The following TMEM161B variants were observed in gnomAD, a reference collection of about 807,000 sequenced individuals.
TMEM161B encodes transmembrane protein 161B.
A neutral mutation model predicts 61.8 loss-of-function variants in TMEM161B; 34 were observed. The observed-to-expected ratio is 0.55, with a 90% confidence interval of 0.42 to 0.73. The LOEUF is 0.73. Among genes scored for constraint, TMEM161B ranks in the 30% least tolerant of loss-of-function variants. The pLI is 0.00. For synonymous variants in TMEM161B, 167 were observed against 192.8 expected, an observed-to-expected ratio of 0.87 and a Z score of 1.11; for missense variants, 456 against 558.5, an observed-to-expected ratio of 0.82 and a Z score of 1.85.
chr5:88,187,313 C>A (rs1396673716), downstream of TMEM161B, among the ~76,000 whole-genome samples: 3 of 152,066 alleles, frequency 2.0e-5, no homozygotes, highest in Admixed American at 2.0e-4. Flanking sequence ...AATCTAAGTA[C>A]TTTACATTTC....
intron 3 of TMEM161B, among the ~76,000 whole-genome samples, chr5:88,227,035 G>A (rs1750169643): frequency 1.3e-5 from 2 of 151,960 alleles, no homozygotes; most frequent in Non-Finnish European, 1.5e-5. Flanking sequence ...GCTGAGGTGG[G>A]AAGATCATCT....
chr5:88,261,730 C>CAAAAAAA (rs70996464), intron 1 of TMEM161B, among the ~76,000 whole-genome samples: 12 of 49,294 alleles, frequency 2.4e-4, no homozygotes, highest in Non-Finnish European at 2.8e-4. Flanking sequence ...CATTCATGTG[C>CAAAAAAA]AAAAAAAAAA....
chr5:88,243,904 T>C (rs968871008), intron 1 of TMEM161B, among the ~76,000 whole-genome samples: 6 of 151,828 alleles, frequency 4.0e-5, no homozygotes, highest in African/African-American at 1.4e-4. Context: ...ATTTGAAAGG[T>C]GTCTGTTTGT....
downstream of TMEM161B, among the ~76,000 whole-genome samples, chr5:88,188,537 GTTAATA>G (rs1308796746): frequency 6.6e-6 from 1 of 152,098 alleles, no homozygotes; most frequent in South Asian, 2.1e-4. Context: ...GGTTGTGATG[GTTAATA>G]TTGAGTGTCA....
chr5:88,200,005 G>C (rs1468272249), intron 9 of TMEM161B: 2 of 151,766 alleles, frequency 1.3e-5, no homozygotes, highest in African/African-American at 2.4e-5. Flanking sequence ...TCATTTGCCA[G>C]ATAAAACCTG....
At chr5:88,258,195 G>A (rs1043530195) in intron 1 of TMEM161B, among the ~76,000 whole-genome samples, 9 of 152,260 alleles carry the variant, frequency 5.9e-5, no homozygotes, top group South Asian at 4.1e-4. Flanking sequence ...TTTTTAAAGC[G>A]TGCTTATCTG....
At chr5:88,207,329 C>T (rs1404438028) in intron 5 of TMEM161B, 149 bp from the exon 6 acceptor site, 2 of 702,734 alleles carry the variant, frequency 2.8e-6, no homozygotes, top group Non-Finnish European at 4.5e-6. Context: ...GAAAAGAGCA[C>T]CCATATACTA....
At chr5:88,254,936 G>A (rs1009618537) in intron 1 of TMEM161B, among the ~76,000 whole-genome samples, 1 of 151,748 alleles carries the variant, frequency 6.6e-6, no homozygotes, top group Non-Finnish European at 1.5e-5. Flanking sequence ...TGATTAAGTG[G>A]GTAATCAAAA....
chr5:88,214,692 T>C (rs1747488456), intron 5 of TMEM161B, among the ~76,000 whole-genome samples: 1 of 152,218 alleles, frequency 6.6e-6, no homozygotes, highest in Non-Finnish European at 1.5e-5. Flanking sequence ...TGCAAGGGTT[T>C]CTTTACCTTT....
At chr5:88,188,685 T>C (rs771496682), downstream of TMEM161B, among the ~76,000 whole-genome samples, 29 of 152,292 alleles carry the variant, frequency 1.9e-4, no homozygotes, top group Admixed American at 1.4e-3. Flanking sequence ...AGGTTTTTTA[T>C]CCAGCTGGGA....
At position 88,196,291 on chromosome 5, in the gene TMEM161B, G is replaced by A; in HGVS notation, c.1384C>T (p.Leu462=). Residue 462 remains leucine (L), a synonymous_variant, in exon 12 of 12, where the codon CTG becomes TTG. Transcript: ENST00000296595. ...PLLFRGLLSF[L]TWWIAACLFS... is the part of the protein sequence containing the mutation. ...AGGCAAGCAGCAATCCACCAGGTCAGAAAAGACAGAAGTCCTCGAAAAAGA... is the reference window on the plus strand; with the variant it reads ...AGGCAAGCAGCAATCCACCAGGTCAAAAAAGACAGAAGTCCTCGAAAAAGA... The A allele has an allele frequency of 1.9e-6, 3 of 1,613,306 alleles. No individual in the cohort carries two copies. The highest frequency in any genetic ancestry group is 2.2e-5 in the East Asian group (1 of 44,842).
intron 5 of TMEM161B, among the ~76,000 whole-genome samples, chr5:88,210,407 T>G (rs1449518901): frequency 6.6e-6 from 1 of 152,196 alleles, no homozygotes; most frequent in East Asian, 1.9e-4. Context: ...GGTACAAGAT[T>G]AAGAAGTATA....
downstream of TMEM161B, among the ~76,000 whole-genome samples, chr5:88,191,624 GT>G (rs1408014623): frequency 6.6e-6 from 1 of 152,050 alleles, no homozygotes; most frequent in Non-Finnish European, 1.5e-5. Flanking sequence ...ATAGCTGTAT[GT>G]TTTTCTCATA....
intron 2 of TMEM161B, among the ~76,000 whole-genome samples, chr5:88,230,139 T>C (rs1388685762): frequency 6.6e-6 from 1 of 152,090 alleles, no homozygotes; most frequent in South Asian, 2.1e-4. Context: ...TGAGCCATCA[T>C]TGTGCCCCTG....
At position 88,228,494 on chromosome 5, in the gene TMEM161B, ATTC is replaced by A. The variant is rs1750433279; in HGVS notation, c.139_141del (p.Glu47del). The A allele has an allele frequency of 1.9e-6, 3 of 1,608,386 alleles. No individual in the cohort carries two copies. The highest frequency in any genetic ancestry group is 1.7e-5 in the Admixed American group (1 of 59,548). ...TGTTGTTTCCCTGCAAGAATTCTTAATTCTTCTTCTGTAGGATGTTGATACCAC... is the reference window on the plus strand; with the variant it reads ...TGTTGTTTCCCTGCAAGAATTCTTAATTCTTCTGTAGGATGTTGATACCAC... On this transcript the variant is annotated inframe_deletion, in exon 3 of 12. Transcript: ENST00000296595.
intron 1 of TMEM161B, among the ~76,000 whole-genome samples, chr5:88,266,656 A>G (rs1361420455): frequency 6.6e-6 from 1 of 152,196 alleles, no homozygotes; most frequent in Non-Finnish European, 1.5e-5. Context: ...TCTTTTCATA[A>G]TATCATTAGG....
chr5:88,223,704 G>A (rs937886203), intron 4 of TMEM161B, among the ~76,000 whole-genome samples: 4 of 151,938 alleles, frequency 2.6e-5, no homozygotes, highest in Admixed American at 6.6e-5. Context: ...TGGCTAACAC[G>A]GTGAAACCCC....
downstream of TMEM161B, chr5:88,190,119 G>A (rs532285239): frequency 5.7e-5 from 40 of 700,906 alleles, no homozygotes; most frequent in South Asian, 5.8e-4. Context: ...CACCCACCCA[G>A]AGAAGGTACA....
chr5:88,202,006 G>C (rs1242333522), intron 9 of TMEM161B: 2 of 395,428 alleles, frequency 5.1e-6, no homozygotes, highest in Non-Finnish European at 5.1e-6. Flanking sequence ...ATTCTGATGA[G>C]GCAAAGCAGT....
Sources: gnomAD v4.1 joint callset for allele counts (sites outside exome capture counted in the v4.1 genomes callset) on GRCh38, gnomAD v4.1.1 for gene constraint, MANE v1.5 for transcripts, NCBI Gene and HGNC (gene_info 2026-07-23, HGNC 2026-07-21) for gene names.